The following KLRG1 variants were observed in gnomAD, a reference collection of about 807,000 sequenced individuals.
The protein encoded by KLRG1 is killer cell lectin like receptor G1, also known as killer cell lectin-like receptor subfamily G member 1.
KLRG1 carries 16 observed loss-of-function variants against 21.8 expected under a neutral mutation model. The observed-to-expected ratio is 0.73, with a 90% CI of 0.50 to 1.11. The LOEUF is 1.11. Ranked by LOEUF, KLRG1 falls within the 50% of genes most tolerant of loss-of-function variation. KLRG1 has a pLI of 0.00. For missense variants in KLRG1, 173 were observed against 218.3 expected (o/e 0.79, Z 1.31); for synonymous variants, 69 against 75.9 (o/e 0.91, Z 0.47).
At chr12:9,115,921 A>G in the KLRG1 span, 3 of 1,296,402 alleles carry the variant, frequency 2.3e-6, no homozygotes, top group East Asian at 7.0e-5. Context: ...TCTGGTCCCA[A>G]ACACTTCCCA....
intron 1 of KLRG1, 123 bp from the exon 2 acceptor site, chr12:8,992,083 A>G: frequency 1.4e-6 from 1 of 706,548 alleles, no homozygotes; most frequent in Non-Finnish European, 2.4e-6. Flanking sequence ...AGGAATCTTT[A>G]TGGCCTGGAT....
intron 1 of KLRG1, among the ~76,000 whole-genome samples, chr12:8,972,728 T>C (rs1592246802): frequency 6.6e-6 from 1 of 152,330 alleles, no homozygotes; most frequent in East Asian, 1.9e-4. Context: ...CTGATATATC[T>C]TGAAATCAGG....
intron 1 of KLRG1, among the ~76,000 whole-genome samples, chr12:8,957,354 A>G (rs1946311867): frequency 6.6e-6 from 1 of 152,236 alleles, no homozygotes; most frequent in African/African-American, 2.4e-5. Flanking sequence ...TTCTGTCTTA[A>G]CGAAGCACTT....
the KLRG1 span, chr12:9,090,021 T>A: frequency 1.3e-6 from 2 of 1,585,538 alleles, no homozygotes; most frequent in Admixed American, 1.7e-5. Flanking sequence ...AAATTCACAT[T>A]TCCTGAAAAA....
rs570018037 is a variant in KLRG1, at chr12:8,961,562, A to G, written c.-156+11326A>G. Reference sequence around the variant, plus strand: ...TGAGTAGCTGGGGTTACAGGCACCCACCACCATGCTCAGCTAATTTTTGTA... The same window carrying G: ...TGAGTAGCTGGGGTTACAGGCACCCGCCACCATGCTCAGCTAATTTTTGTA... On this transcript the variant is annotated intron_variant, in intron 1 of 4. Coordinates refer to the KLRG1 transcript ENST00000539240. Among the ~76,000 whole-genome samples, 287 of 150,262 alleles carry G rather than the reference A, an allele frequency of 1.9e-3. 1 individual carries two copies. Among genetic ancestry groups the G allele is most frequent in the Non-Finnish European group, 3.5e-3 (237 of 67,708 alleles).
chr12:9,095,799 C>G, the KLRG1 span: 94 of 1,100,046 alleles, frequency 8.5e-5, no homozygotes, highest in Admixed American at 5.9e-4. Flanking sequence ...GTCGCCCAGG[C>G]CGGACCGCGG....
chr12:9,173,085 C>G, the KLRG1 span, among the ~76,000 whole-genome samples: 1 of 152,242 alleles, frequency 6.6e-6, no homozygotes, highest in Non-Finnish European at 1.5e-5. Context: ...AAGTAAAACA[C>G]TCCTCAGCAA....
the KLRG1 span, chr12:9,111,519 A>G: frequency 2.2e-6 from 1 of 456,428 alleles, no homozygotes; most frequent in East Asian, 6.9e-5. Context: ...AAATAGTCTG[A>G]ATATATTTTA....
At chr12:9,120,352 G>A in the KLRG1 span, among the ~76,000 whole-genome samples, 13 of 151,356 alleles carry the variant, frequency 8.6e-5, no homozygotes, top group African/African-American at 2.4e-4. Context: ...GGGGTAGAGC[G>A]AAAAAAAGGA....
chr12:9,075,574 T>C, the KLRG1 span, among the ~76,000 whole-genome samples: 1 of 145,218 alleles, frequency 6.9e-6, no homozygotes, highest in African/African-American at 2.9e-5. Context: ...TTCATCAACA[T>C]AGTGTTGAAC....
the KLRG1 span, among the ~76,000 whole-genome samples, chr12:9,186,434 G>A: frequency 6.6e-6 from 1 of 152,086 alleles, no homozygotes; most frequent in African/African-American, 2.4e-5. Flanking sequence ...CAGACTAAAT[G>A]CCCCAATTAA....
chr12:9,127,309 G>A, the KLRG1 span, among the ~76,000 whole-genome samples: 1 of 152,104 alleles, frequency 6.6e-6, no homozygotes, highest in Non-Finnish European at 1.5e-5. Context: ...AAATTCTGTG[G>A]CAGTCCATGG....
At chr12:9,033,454 G>A in the KLRG1 span, among the ~76,000 whole-genome samples, 23 of 151,422 alleles carry the variant, frequency 1.5e-4, no homozygotes, top group Middle Eastern at 3.4e-3. Flanking sequence ...AAAAAAAAAA[G>A]GGGATTACTG....
the KLRG1 span, chr12:9,101,213 A>G: frequency 6.4e-7 from 1 of 1,555,916 alleles, no homozygotes; most frequent in Non-Finnish European, 8.7e-7. Flanking sequence ...ATTATCTGCA[A>G]AAAAGGAAAT....
chr12:8,990,444 C>G (rs184716971), intron 1 of KLRG1: 5 of 152,206 alleles, frequency 3.3e-5, no homozygotes, highest in African/African-American at 9.6e-5. Flanking sequence ...AGCTTTCTCT[C>G]TTTTTACTAC....
the KLRG1 span, among the ~76,000 whole-genome samples, chr12:9,193,708 G>T: frequency 6.6e-6 from 1 of 152,180 alleles, no homozygotes; most frequent in African/African-American, 2.4e-5. Flanking sequence ...TCATTAGACA[G>T]TGTATATTAA....
At chr12:9,062,841 C>T in the KLRG1 span, among the ~76,000 whole-genome samples, 1 of 149,972 alleles carries the variant, frequency 6.7e-6, no homozygotes, top group Non-Finnish European at 1.5e-5. Flanking sequence ...ATAAATATAT[C>T]AGATATATTA....
At chr12:9,150,564 G>A in the KLRG1 span, 1 of 923,726 alleles carries the variant, frequency 1.1e-6, no homozygotes, top group Non-Finnish European at 1.7e-6. Context: ...TGACTAAGTG[G>A]GCTAAGAAGA....
At chr12:9,154,539 T>A in the KLRG1 span, 1 of 1,321,476 alleles carries the variant, frequency 7.6e-7, no homozygotes, top group Non-Finnish European at 1.1e-6. Flanking sequence ...CCTTCTCTTT[T>A]CCATTAACTG....
Sources: gnomAD v4.1 joint callset for allele counts (sites outside exome capture counted in the v4.1 genomes callset) on GRCh38, gnomAD v4.1.1 for gene constraint, MANE v1.5 for transcripts, NCBI Gene and HGNC (gene_info 2026-07-23, HGNC 2026-07-21) for gene names.